The following PDE3B variants were observed in gnomAD, a reference collection of about 807,000 sequenced individuals.
The protein encoded by PDE3B is cGMP-inhibited 3',5'-cyclic phosphodiesterase 3B.
PDE3B carries 66 observed loss-of-function variants against 116.8 expected under a neutral mutation model. The observed-to-expected ratio is 0.56, with a 90% CI of 0.46 to 0.69. PDE3B has a LOEUF of 0.69. Among genes scored for constraint, PDE3B ranks in the 30% least tolerant of loss-of-function variants. The pLI, the probability that PDE3B is intolerant of heterozygous loss-of-function variation, is 0.00. For synonymous variants in PDE3B, 595 were observed against 533.6 expected, an observed-to-expected ratio of 1.12 and a Z score of -1.59; for missense variants, 1,384 against 1,368.1, an observed-to-expected ratio of 1.01 and a Z score of -0.18.
chr11:14,843,876 G>C lies in PDE3B; in HGVS notation c.2370G>C (p.Lys790Asn), dbSNP rs1847527705. 1 of 1,613,976 alleles carries C rather than the reference G, an allele frequency of 6.2e-7. No individual in the cohort carries two copies. Among genetic ancestry groups the C allele is most frequent in the Non-Finnish European group, 8.5e-7 (1 of 1,180,012 alleles). Residue 790 changes from lysine to asparagine, a missense_variant, in exon 12 of 16, where the codon AAG becomes AAC. Lys to Asn is a moderately conservative substitution (Grantham distance 94). Transcript: ENST00000282096. The part of the protein sequence containing the change: ...NHGRIAYISS[K>N]SCSNPDESYG... ...GGCGAATTGCTTATATTTCTTCGAA[G>C]AGCTGCTCTAATCCTGATGAGAGTT...
intron 1 of PDE3B, chr11:14,673,919 A>G: frequency 7.0e-7 from 1 of 1,428,366 alleles, no homozygotes; most frequent in South Asian, 1.1e-5. Context: ...CATTAACCGC[A>G]TACTCCTTAT....
intron 1 of PDE3B, among the ~76,000 whole-genome samples, chr11:14,675,617 T>C (rs369096671): frequency 4.6e-5 from 7 of 152,314 alleles, no homozygotes; most frequent in African/African-American, 1.7e-4. Context: ...TTATACAGTA[T>C]GCATTCTTTT....
At chr11:14,727,213 A>G (rs1856333426) in intron 1 of PDE3B, among the ~76,000 whole-genome samples, 1 of 152,174 alleles carries the variant, frequency 6.6e-6, no homozygotes, top group Non-Finnish European at 1.5e-5. Context: ...TATAACTATC[A>G]TAGATGATTT....
At chr11:14,825,916 A>C (rs1012040045) in intron 7 of PDE3B, among the ~76,000 whole-genome samples, 4 of 152,168 alleles carry the variant, frequency 2.6e-5, no homozygotes, top group Non-Finnish European at 5.9e-5. Flanking sequence ...CATGCCAAAC[A>C]TACTCCTGGA....
intron 1 of PDE3B, among the ~76,000 whole-genome samples, chr11:14,710,685 G>C (rs917891783): frequency 1.3e-5 from 2 of 152,182 alleles, no homozygotes; most frequent in Non-Finnish European, 2.9e-5. Flanking sequence ...AAGAGATGGA[G>C]GTTGAGGGTT....
chr11:14,717,332 T>A (rs1855934622), intron 1 of PDE3B, among the ~76,000 whole-genome samples: 1 of 123,030 alleles, frequency 8.1e-6, no homozygotes, highest in Non-Finnish European at 1.7e-5. Context: ...TGGAACCAAG[T>A]TGGAAAACAC....
chr11:14,852,200 G>A (rs1029915515), intron 12 of PDE3B, among the ~76,000 whole-genome samples: 1 of 152,124 alleles, frequency 6.6e-6, no homozygotes, highest in African/African-American at 2.4e-5. Context: ...GGGATTACAG[G>A]TGCCTGCCAC....
intron 11 of PDE3B, among the ~76,000 whole-genome samples, chr11:14,837,967 TTTTAA>T (rs1860106144): frequency 6.6e-6 from 1 of 151,976 alleles, no homozygotes; most frequent in African/African-American, 2.4e-5. Context: ...CTTATTTTTT[TTTTAA>T]TTTATTTTAT....
At chr11:14,673,846 AT>A in intron 1 of PDE3B, 1 of 1,254,184 alleles carries the variant, frequency 8.0e-7, no homozygotes, top group East Asian at 2.3e-5. Flanking sequence ...GGTCTCTCAA[AT>A]TTGTAGAGTA....
chr11:14,744,348 G>A (rs1199931822), intron 1 of PDE3B, among the ~76,000 whole-genome samples: 1 of 152,070 alleles, frequency 6.6e-6, no homozygotes, highest in Non-Finnish European at 1.5e-5. Flanking sequence ...ATTTTGATAG[G>A]AATTGCATTG....
At chr11:14,765,444 A>G (rs1857473298) in intron 1 of PDE3B, among the ~76,000 whole-genome samples, 2 of 151,886 alleles carry the variant, frequency 1.3e-5, no homozygotes, top group African/African-American at 4.8e-5. Context: ...AACATATTCA[A>G]ACAGAAACTT....
chr11:14,662,619 T>C (rs1325587464), intron 1 of PDE3B, among the ~76,000 whole-genome samples: 1 of 152,142 alleles, frequency 6.6e-6, no homozygotes, highest in Non-Finnish European at 1.5e-5. Flanking sequence ...TTAAAGGAGC[T>C]GATGGAGCTG....
In PDE3B at chr11:14,741,776, C is replaced by G. The variant is rs566914205; in HGVS notation, c.979-30161C>G. On this transcript the variant is annotated intron_variant, in intron 1 of 15. Coordinates refer to ENST00000282096, the MANE Select transcript of PDE3B (RefSeq NM_000922.4). Reference sequence around the variant, plus strand: ...GCTTCCTTTAGGAGCTCTTGTAAGGCAGGCCTGGTGATGACAAAATCTCTC... The same window carrying G: ...GCTTCCTTTAGGAGCTCTTGTAAGGGAGGCCTGGTGATGACAAAATCTCTC... Among the ~76,000 whole-genome samples, 10 of 152,186 alleles carry G rather than the reference C, an allele frequency of 6.6e-5. No homozygotes were observed. The East Asian group carries it at 1.9e-3, about 29-fold the overall frequency.
the PDE3B span, among the ~76,000 whole-genome samples, chr11:14,892,527 G>C: frequency 6.6e-6 from 1 of 152,194 alleles, no homozygotes; most frequent in Non-Finnish European, 1.5e-5. Flanking sequence ...CACTCACTGG[G>C]CTAGGCGGAT....
intron 12 of PDE3B, among the ~76,000 whole-genome samples, chr11:14,852,662 A>G (rs1424309018): frequency 1.3e-5 from 2 of 152,200 alleles, no homozygotes; most frequent in African/African-American, 2.4e-5. Context: ...GTGAAAATGC[A>G]TAGCCTCTTA....
the PDE3B span, chr11:14,885,855 C>T: frequency 6.2e-7 from 1 of 1,613,476 alleles, no homozygotes; most frequent in Non-Finnish European, 8.5e-7. Flanking sequence ...CAAGGCATTC[C>T]TTTACTACAT....
At chr11:14,800,175 C>G (rs1240049125) in intron 4 of PDE3B, among the ~76,000 whole-genome samples, 1 of 152,116 alleles carries the variant, frequency 6.6e-6, no homozygotes, top group African/African-American at 2.4e-5. Flanking sequence ...TTTTATTTCT[C>G]CTTCACTTAT....
At chr11:14,897,263 GATT>G in the PDE3B span, among the ~76,000 whole-genome samples, 1 of 152,188 alleles carries the variant, frequency 6.6e-6, no homozygotes, top group Non-Finnish European at 1.5e-5. Context: ...ATTTAACTTT[GATT>G]ATTTAGAAAA....
At chr11:14,661,507 T>C (rs1188199800) in intron 1 of PDE3B, among the ~76,000 whole-genome samples, 1 of 152,214 alleles carries the variant, frequency 6.6e-6, no homozygotes, top group East Asian at 1.9e-4. Context: ...GGTGAGGCAT[T>C]GCCTCACTCG....
Sources: gnomAD v4.1 joint callset for allele counts (sites outside exome capture counted in the v4.1 genomes callset) on GRCh38, gnomAD v4.1.1 for gene constraint, MANE v1.5 for transcripts, NCBI Gene and HGNC (gene_info 2026-07-23, HGNC 2026-07-21) for gene names.